Variants in PFKM observed in about 807,000 individuals in gnomAD.
PFKM encodes phosphofructokinase, muscle, also known as ATP-dependent 6-phosphofructokinase, muscle type.
Under a neutral mutation model 95.5 loss-of-function variants are expected in PFKM, and 58 were observed. That is an observed-to-expected ratio of 0.61 (90% confidence interval 0.49 to 0.76). PFKM has a LOEUF of 0.76. PFKM is among the 30% of genes least tolerant of loss of function. The pLI is 0.00. For synonymous variants in PFKM, 336 were observed against 357.2 expected (o/e 0.94, Z 0.67); for missense variants, 678 against 1,005.4 (o/e 0.67, Z 4.40).
At chr12:48,136,730 G>T in intron 10 of PFKM, among the ~76,000 whole-genome samples, 1 of 129,016 alleles carries the variant, frequency 7.8e-6, no homozygotes, top group Non-Finnish European at 1.6e-5. Flanking sequence ...TATTCTGATA[G>T]GTATATAGTG....
chr12:48,105,961 C>G (rs1164149924), exon 1 of PFKM: 3 of 696,926 alleles, frequency 4.3e-6, no homozygotes, highest in African/African-American at 1.8e-5. Context: ...TGACCGGGTC[C>G]GACACAGTCT....
intron 4 of PFKM, chr12:48,131,818 C>T (rs1227276042): frequency 1.4e-5 from 5 of 359,446 alleles, no homozygotes; most frequent in Non-Finnish European, 2.2e-5. Context: ...GACGAAGGAA[C>T]TGAGACAGCC....
At chr12:48,140,136 C>T (rs926476845) in intron 13 of PFKM, among the ~76,000 whole-genome samples, 2 of 152,206 alleles carry the variant, frequency 1.3e-5, no homozygotes, top group African/African-American at 4.8e-5. Context: ...ACACAAGACC[C>T]ATGCCCACTT....
At chr12:48,120,967 A>G (rs1948197393) in intron 1 of PFKM, among the ~76,000 whole-genome samples, 1 of 152,232 alleles carries the variant, frequency 6.6e-6, no homozygotes, top group African/African-American at 2.4e-5. Context: ...CTTGACCGAC[A>G]TGGTGAAAAC....
chr12:48,127,390 T>C (rs1339219829), intron 2 of PFKM, among the ~76,000 whole-genome samples: 2 of 152,184 alleles, frequency 1.3e-5, no homozygotes, highest in East Asian at 1.9e-4. Context: ...TATCCAAATA[T>C]GAATGTATCA....
At chr12:48,124,822 A>G (rs1000914654) in intron 2 of PFKM, among the ~76,000 whole-genome samples, 1 of 152,136 alleles carries the variant, frequency 6.6e-6, no homozygotes, top group Admixed American at 6.5e-5. Flanking sequence ...AAAACAGAAA[A>G]CTCAAAATAG....
At chr12:48,135,477 C>A (rs1441187664) in intron 10 of PFKM, 94 bp downstream of exon 10, 10 of 863,240 alleles carry the variant, frequency 1.2e-5, no homozygotes, top group Admixed American at 8.1e-5. Context: ...CAGGGACTTA[C>A]ATCACTGGTC....
upstream of PFKM, chr12:48,119,200 G>C (rs2137754444): frequency 1.2e-6 from 1 of 813,338 alleles, no homozygotes; most frequent in East Asian, 1.2e-4. Context: ...AGTACTTAGG[G>C]GGAGGAGGAA....
Position 48,145,025 on chromosome 12 carries a change from C to T in PFKM, c.1993-6C>T, listed in dbSNP as rs1258118168. On this transcript the variant is annotated splice_polypyrimidine_tract_variant and splice_region_variant and intron_variant, in intron 20 of 22. Coordinates refer to ENST00000359794, the MANE Select transcript of PFKM (RefSeq NM_000289.6). This position sits in a 1 kb window ranked among gnomAD's most constrained non-coding sequence, Gnocchi z 4.3. ...CCCTCTGTAATTTTTATGTTTCTTT[C>T]TCCAGGGTGGGAGCCCAACCCCATT... 2 of 1,598,812 alleles carry T rather than the reference C, an allele frequency of 1.3e-6. No individual in the cohort carries two copies. The highest frequency in any genetic ancestry group is 1.7e-6 in the Non-Finnish European group (2 of 1,166,188).
At position 48,140,846 on chromosome 12, in the gene PFKM, G is replaced by C; in HGVS notation, c.1316G>C (p.Gly439Ala). ...AACCGAGTGCTCGTTGTCCATGATG[G>C]TTTCGAGGGCCTGGCCAAGGGGCAG... The part of the protein sequence containing the change: ...QGNRVLVVHD[G>A]FEGLAKGQIE... Residue 439 changes from glycine to alanine, a missense_variant, in exon 14 of 23, where the codon GGT (glycine) becomes GCT (alanine). Gly to Ala is a moderately conservative substitution (Grantham distance 60). Transcript: ENST00000359794. 6.2e-7 allele frequency: 1 copy of C among 1,614,224 alleles called. No homozygotes were observed. Among genetic ancestry groups the C allele is most frequent in the East Asian group, 2.2e-5 (1 of 44,884 alleles).
upstream of PFKM, among the ~76,000 whole-genome samples, chr12:48,115,346 G>T (rs1318406340): frequency 6.6e-6 from 1 of 152,198 alleles, no homozygotes; most frequent in Non-Finnish European, 1.5e-5. Flanking sequence ...GTCCGAAAAA[G>T]GAGTCTGCAA....
intron 2 of PFKM, chr12:48,107,512 G>A (rs1946791175): frequency 8.8e-7 from 1 of 1,138,096 alleles, no homozygotes; most frequent in Non-Finnish European, 1.3e-6. Context: ...CTCACAAGAA[G>A]TCTAAATACA....
chr12:48,116,214 C>CTCCT (rs780044989), upstream of PFKM, among the ~76,000 whole-genome samples: 7 of 145,380 alleles, frequency 4.8e-5, no homozygotes, highest in Middle Eastern at 3.6e-3. Flanking sequence ...TCCTTCTTTT[C>CTCCT]TCCTTCCTTC....
At chr12:48,138,106 A>G (rs1386423917) in intron 11 of PFKM, among the ~76,000 whole-genome samples, 2 of 152,198 alleles carry the variant, frequency 1.3e-5, no homozygotes, top group African/African-American at 4.8e-5. Flanking sequence ...CCAGTATCTC[A>G]TAATATACAA....
intron 11 of PFKM, among the ~76,000 whole-genome samples, chr12:48,138,358 A>G (rs1212083620): frequency 1.3e-5 from 2 of 152,200 alleles, no homozygotes; most frequent in Non-Finnish European, 2.9e-5. Flanking sequence ...TTGAGTGCTC[A>G]GGAAATGGTG....
intron 2 of PFKM, among the ~76,000 whole-genome samples, chr12:48,127,442 A>T (rs1948974611): frequency 6.6e-6 from 1 of 152,214 alleles, no homozygotes; most frequent in African/African-American, 2.4e-5. Context: ...GCCTCTGCTG[A>T]GTCAGTGGAC....
chr12:48,145,664 C>T lies in PFKM; in HGVS notation c.2299C>T (p.Leu767=). ...IDLDTSDHAH[L]EHITRKRSGE... ...CTTGGACACTTCAGACCATGCCCACCTGGAGCACATCACCCGGAAGCGGTC... is the reference window on the plus strand; with the variant it reads ...CTTGGACACTTCAGACCATGCCCACTTGGAGCACATCACCCGGAAGCGGTC... The change falls in exon 23 of 23, where the codon CTG becomes TTG. Residue 767 remains leucine (L), a synonymous_variant. Coordinates refer to ENST00000359794, the MANE Select transcript of PFKM (RefSeq NM_000289.6). This position sits in a 1 kb window ranked among gnomAD's most constrained non-coding sequence, Gnocchi z 4.3. 6.2e-7 allele frequency: 1 copy of T among 1,614,214 alleles called. No individual in the cohort carries two copies. The highest frequency in any genetic ancestry group is 8.5e-7 in the Non-Finnish European group (1 of 1,180,038).
chr12:48,120,457 G>C (rs1948141555), intron 1 of PFKM, among the ~76,000 whole-genome samples: 1 of 152,182 alleles, frequency 6.6e-6, no homozygotes, highest in African/African-American at 2.4e-5. Flanking sequence ...AAATGATCAT[G>C]ATCCCTGCCC....
intron 3 of PFKM, 106 bp from the exon 4 acceptor site, chr12:48,131,210 A>T (rs1226435104): frequency 2.5e-6 from 2 of 793,880 alleles, no homozygotes; most frequent in East Asian, 2.5e-5. Context: ...CACTAATGGG[A>T]GGAGGTGGCT....
Sources: allele counts gnomAD v4.1 joint callset (sites outside exome capture counted in the v4.1 genomes callset), GRCh38; gene constraint gnomAD v4.1.1; non-coding constraint Gnocchi (gnomAD v3.1); transcripts MANE v1.5; gene names NCBI Gene and HGNC (gene_info 2026-07-23, HGNC 2026-07-21).